SEMA5A: variants seen among roughly 807,000 people sequenced by gnomAD.
The protein encoded by SEMA5A is semaphorin 5A.
A neutral mutation model predicts 135.5 loss-of-function variants in SEMA5A; 55 were observed. The ratio of observed to expected loss-of-function variants is 0.41; its 90% confidence interval spans 0.33 to 0.51. SEMA5A has a LOEUF of 0.51. Ranked by LOEUF, SEMA5A falls within the 20% of genes least tolerant of loss-of-function variation. The pLI, the probability that SEMA5A is intolerant of heterozygous loss-of-function variation, is 0.37. For synonymous variants in SEMA5A, 580 were observed against 546.5 expected (o/e 1.06, Z -0.85); for missense variants, 1,290 against 1,419.9 (o/e 0.91, Z 1.47).
At chr5:9,158,766 G>A (rs1291082804) in intron 11 of SEMA5A, among the ~76,000 whole-genome samples, 1 of 152,206 alleles carries the variant, frequency 6.6e-6, no homozygotes, top group Admixed American at 6.5e-5. Flanking sequence ...GAAAGGGACA[G>A]AGCTACTTCA....
intron 1 of SEMA5A, among the ~76,000 whole-genome samples, chr5:9,463,176 C>A (rs553713622): frequency 6.6e-6 from 1 of 152,148 alleles, no homozygotes; most frequent in African/African-American, 2.4e-5. Flanking sequence ...ATTGGGGAAC[C>A]ACCTAGTCTG....
Position 9,528,108 on chromosome 5 carries a change from T to C in SEMA5A, c.-175+17476A>G, listed in dbSNP as rs528674224. ...ATAGAATATGATCAACTTAGGTAAGTTCCCACTGCCTACCAAAGACTTCAG... is the reference window on the plus strand; with the variant it reads ...ATAGAATATGATCAACTTAGGTAAGCTCCCACTGCCTACCAAAGACTTCAG... On this transcript the variant is annotated intron_variant, in intron 1 of 22. Transcript: ENST00000382496. Among the ~76,000 whole-genome samples the C allele has an allele frequency of 3.3e-5, 5 of 152,290 alleles. No individual in the cohort carries two copies. In the South Asian group the frequency reaches 1.0e-3, roughly 32 times the overall value.
chr5:9,069,506 C>A (rs946719423), intron 16 of SEMA5A, among the ~76,000 whole-genome samples: 18 of 152,210 alleles, frequency 1.2e-4, no homozygotes, highest in Non-Finnish European at 2.9e-5. Flanking sequence ...ATGCCACCAA[C>A]TTTACCTGGG....
chr5:9,285,948 C>T (rs1032341155), intron 5 of SEMA5A, among the ~76,000 whole-genome samples: 1 of 152,128 alleles, frequency 6.6e-6, no homozygotes, highest in East Asian at 1.9e-4. Flanking sequence ...GTGATGCATA[C>T]CCCAATTAGC....
intron 13 of SEMA5A, among the ~76,000 whole-genome samples, chr5:9,125,819 A>G (rs1225044993): frequency 6.7e-6 from 1 of 148,618 alleles, no homozygotes; most frequent in East Asian, 1.9e-4. Context: ...TGTGTTAAAG[A>G]GGCAAAGACC....
At chr5:9,234,532 AGCTCT>A (rs1467851329) in intron 6 of SEMA5A, among the ~76,000 whole-genome samples, 1 of 152,224 alleles carries the variant, frequency 6.6e-6, no homozygotes. Flanking sequence ...CAATGCACAC[AGCTCT>A]GCTACATAAA....
At chr5:9,221,469 AT>A (rs1375930075) in intron 8 of SEMA5A, among the ~76,000 whole-genome samples, 32 of 148,046 alleles carry the variant, frequency 2.2e-4, no homozygotes, top group Admixed American at 3.4e-4. Context: ...CGCCCGGCTA[AT>A]TTTTTCTATT....
At chr5:9,155,509 T>G (rs1742907029) in intron 11 of SEMA5A, among the ~76,000 whole-genome samples, 1 of 151,172 alleles carries the variant, frequency 6.6e-6, no homozygotes, top group Admixed American at 6.6e-5. Context: ...CCGCAACTCC[T>G]TGCTGACACC....
At chr5:9,503,640 T>A (rs1003871711) in intron 1 of SEMA5A, among the ~76,000 whole-genome samples, 1 of 152,170 alleles carries the variant, frequency 6.6e-6, no homozygotes, top group Admixed American at 6.5e-5. Flanking sequence ...AAATAAACAC[T>A]TCAAATGTTG....
chr5:9,066,577 G>A lies in SEMA5A; in HGVS notation c.2143C>T (p.Pro715Ser). The change falls in exon 17 of 23, where the codon CCT (proline) becomes TCT (serine). Residue 715 changes from proline (P) to serine (S), a missense_variant. Coordinates refer to ENST00000382496, the MANE Select transcript of SEMA5A (RefSeq NM_003966.3). ...CCGCCGTTGTCAGAGATGTTGACAG[G>A]TGTCCAGGGTGTCCAGGGCGTGGTC... Reference protein sequence around the residue: ...KKTTPWTPWTPVNISDNGGHY... With the variant: ...KKTTPWTPWTSVNISDNGGHY... 6.2e-7 allele frequency: 1 copy of A among 1,614,170 alleles called. No homozygotes were observed. Among genetic ancestry groups the A allele is most frequent in the Non-Finnish European group, 8.5e-7 (1 of 1,180,040 alleles).
At position 9,382,059 on chromosome 5, in the gene SEMA5A, G is replaced by A. The variant is rs566809595; in HGVS notation, c.-77-2036C>T. Among the ~76,000 whole-genome samples the A allele has an allele frequency of 2.6e-5, 4 of 151,400 alleles. No individual in the cohort carries two copies. The East Asian group carries it at 7.9e-4, about 30-fold the overall frequency. Reference sequence around the variant, plus strand: ...GCCTGTAATCCTAGCACTTTGGGAGGCTGAGGCGGGTGGATCACCTGAGGT... The same window carrying A: ...GCCTGTAATCCTAGCACTTTGGGAGACTGAGGCGGGTGGATCACCTGAGGT... On this transcript the variant is annotated intron_variant, in intron 2 of 22. Coordinates refer to ENST00000382496, the MANE Select transcript of SEMA5A (RefSeq NM_003966.3).
intron 9 of SEMA5A, among the ~76,000 whole-genome samples, chr5:9,200,075 AG>A (rs1745621632): frequency 6.6e-6 from 1 of 152,180 alleles, no homozygotes; most frequent in Admixed American, 6.5e-5. Flanking sequence ...ACCTTGTCTG[AG>A]ACATGAAAAG....
chr5:9,292,333 A>G (rs1363766300), intron 5 of SEMA5A, among the ~76,000 whole-genome samples: 1 of 152,218 alleles, frequency 6.6e-6, no homozygotes, highest in Non-Finnish European at 1.5e-5. Flanking sequence ...ACAATATGTT[A>G]ACTCGTTTAC....
rs73046679 is a variant in SEMA5A, at chr5:9,234,859, A to G, written c.333+2969T>C. Among the ~76,000 whole-genome samples, 944 of 152,310 alleles carry G rather than the reference A, an allele frequency of 6.2e-3. 12 individuals are homozygous for G. Among genetic ancestry groups the G allele is most frequent in the African/African-American group, 0.022 (895 of 41,562 alleles). ...GCTTTCTGTGTATCAAGAAAATTCA[A>G]TTAAGTGTAGTAACGATTGGTCTCC... On this transcript the variant is annotated intron_variant, in intron 6 of 22. Coordinates refer to ENST00000382496, the MANE Select transcript of SEMA5A (RefSeq NM_003966.3).
intron 6 of SEMA5A, among the ~76,000 whole-genome samples, chr5:9,233,833 A>G (rs1806013): frequency 0.013 from 2,029 of 151,822 alleles, 42 homozygotes; most frequent in African/African-American, 0.046. Flanking sequence ...ACACCCAGCC[A>G]CCTCCTTCCA....
intron 16 of SEMA5A, among the ~76,000 whole-genome samples, chr5:9,086,767 A>C (rs1303327628): frequency 6.6e-6 from 1 of 152,258 alleles, no homozygotes; most frequent in Admixed American, 6.5e-5. Flanking sequence ...TCATGACCCA[A>C]TAATCCGTTT....
intron 2 of SEMA5A, among the ~76,000 whole-genome samples, chr5:9,404,638 G>A (rs1406421771): frequency 6.6e-6 from 1 of 152,130 alleles, no homozygotes; most frequent in African/African-American, 2.4e-5. Flanking sequence ...GTGATTAGGA[G>A]GTTTATCTTA....
In SEMA5A at chr5:9,088,894, G is replaced by A. The variant is rs138841705; in HGVS notation, c.2073+19246C>T. ...CACTGTGTTAACCCCTCCCACTCCC[G>A]TGGCCTGTATACTAGCCACATGGCA... On this transcript the variant is annotated intron_variant, in intron 16 of 22. Transcript: ENST00000382496. 2.7e-4 allele frequency among the ~76,000 whole-genome samples: 41 copies of A among 152,082 alleles called. No individual in the cohort carries two copies. In the East Asian group the frequency reaches 3.5e-3, roughly 13 times the overall value.
chr5:9,221,502 CAGTGTTAG>C (rs1196414631), intron 8 of SEMA5A, among the ~76,000 whole-genome samples: 36 of 151,704 alleles, frequency 2.4e-4, no homozygotes, highest in Non-Finnish European at 2.2e-4. Flanking sequence ...CGGGGTTTCA[CAGTGTTAG>C]CCAGGATGGT....
Sources: gnomAD v4.1 joint callset for allele counts (sites outside exome capture counted in the v4.1 genomes callset) on GRCh38, gnomAD v4.1.1 for gene constraint, MANE v1.5 for transcripts, NCBI Gene and HGNC (gene_info 2026-07-23, HGNC 2026-07-21) for gene names.